Variants in EXOC2 observed in about 807,000 individuals in gnomAD.
EXOC2 encodes the protein SEC5-like 1.
Under a neutral mutation model 131.8 loss-of-function variants are expected in EXOC2, and 70 were observed. The ratio of observed to expected loss-of-function variants is 0.53; its 90% confidence interval spans 0.44 to 0.65. The LOEUF (loss-of-function observed/expected upper bound fraction) is 0.65. Among genes scored for constraint, EXOC2 ranks in the 30% least tolerant of loss-of-function variants. EXOC2 has a pLI of 0.00. For synonymous variants in EXOC2, 411 were observed against 398.4 expected, an observed-to-expected ratio of 1.03 and a Z score of -0.38; for missense variants, 923 against 1,108.6, an observed-to-expected ratio of 0.83 and a Z score of 2.38.
intron 23 of EXOC2, among the ~76,000 whole-genome samples, chr6:521,147 T>C (rs9378896): frequency 0.68 from 50,089 of 73,746 alleles, 15,777 homozygotes; most frequent in East Asian, 0.83. Flanking sequence ...CTACACTCAC[T>C]GTCCACACTC....
chr6:674,499 G>A (rs939817883), intron 1 of EXOC2, among the ~76,000 whole-genome samples: 5 of 152,192 alleles, frequency 3.3e-5, no homozygotes, highest in South Asian at 4.1e-4. Flanking sequence ...AAGCTATGTT[G>A]GAAACAAAGA....
rs1335045540 is a variant in EXOC2 at position 488,986 on chromosome 6, C to G, written c.2674G>C (p.Asp892His). 2 of 1,613,984 alleles carry G rather than the reference C, an allele frequency of 1.2e-6. No individual in the cohort carries two copies. The highest frequency in any genetic ancestry group is 2.2e-5 in the East Asian group (1 of 44,890). The change falls in exon 27 of 28, where the codon GAT becomes CAT. Residue 892 changes from aspartate to histidine, a missense_variant. Transcript: ENST00000230449. ...EALPQLSSGA[D>H]KKLLEELLNK... The stretch of plus-strand genomic sequence containing the variant: ...ACAGCACACAGGACTTACTTTTTAT[C>G]TGCTCCACTGGAAAGCTGGGGCAGG...
At chr6:530,791 TCAAC>T (rs975069645) in intron 23 of EXOC2, among the ~76,000 whole-genome samples, 3 of 152,232 alleles carry the variant, frequency 2.0e-5, no homozygotes, top group African/African-American at 7.2e-5. Context: ...ATCTGTGGAT[TCAAC>T]CAACCATGAA....
chr6:576,617 G>A (rs1581475263), intron 12 of EXOC2, 140 bp downstream of exon 12: 2 of 890,188 alleles, frequency 2.2e-6, no homozygotes, highest in Non-Finnish European at 3.3e-6. Context: ...GGTAGTTACT[G>A]TAACAAGCAA....
In EXOC2 at chr6:572,503, C is replaced by T. The variant is rs756043312; in HGVS notation, c.1443+17G>A. The T allele has an allele frequency of 1.3e-5, 21 of 1,600,464 alleles. No homozygotes were observed. The highest frequency in any genetic ancestry group is 6.7e-5 in the East Asian group (3 of 44,820). On this transcript the variant is annotated intron_variant, in intron 13 of 27. Transcript: ENST00000230449. ...ACGGTGACTCAGCTCCACCTCTAGC[C>T]GAGTCCGTATACACACCTCACTGAA...
At chr6:523,090 C>T (rs1243387537) in intron 23 of EXOC2, among the ~76,000 whole-genome samples, 1 of 152,190 alleles carries the variant, frequency 6.6e-6, no homozygotes, top group African/African-American at 2.4e-5. Context: ...AAAATCTGTT[C>T]TGACAGGTAA....
At chr6:488,940 A>G in intron 27 of EXOC2, 39 bp downstream of exon 27, 2 of 1,587,344 alleles carry the variant, frequency 1.3e-6, no homozygotes, top group Non-Finnish European at 1.7e-6. Flanking sequence ...CTTGTTGAGC[A>G]CATTCAACTG....
chr6:638,419 G>T (rs1053180964), intron 1 of EXOC2, among the ~76,000 whole-genome samples: 18 of 152,190 alleles, frequency 1.2e-4, no homozygotes, highest in African/African-American at 4.1e-4. Flanking sequence ...TTTGCTAGCT[G>T]TTGTGAGTAT....
At chr6:577,794 T>C (rs549139597) in intron 11 of EXOC2, among the ~76,000 whole-genome samples, 1 of 152,344 alleles carries the variant, frequency 6.6e-6, no homozygotes, top group East Asian at 1.9e-4. Context: ...TTATTTGCTA[T>C]CCTCTCTACT....
At chr6:692,775 C>G (rs1303919319) in intron 1 of EXOC2, among the ~76,000 whole-genome samples, 1 of 120,232 alleles carries the variant, frequency 8.3e-6, no homozygotes, top group Non-Finnish European at 1.9e-5. Flanking sequence ...AGGTGGGGAC[C>G]GCGGGGGTGC....
At chr6:675,995 A>G (rs1237514129) in intron 1 of EXOC2, among the ~76,000 whole-genome samples, 2 of 127,916 alleles carry the variant, frequency 1.6e-5, no homozygotes, top group African/African-American at 2.8e-5. Context: ...ATACTCTTCA[A>G]CATTACGGAA....
chr6:606,441 A>G (rs907272355), intron 7 of EXOC2, among the ~76,000 whole-genome samples: 6 of 150,480 alleles, frequency 4.0e-5, no homozygotes, highest in African/African-American at 1.4e-4. Flanking sequence ...TCTCCACATC[A>G]CAAGAAAAAA....
intron 21 of EXOC2, among the ~76,000 whole-genome samples, chr6:553,081 C>A (rs374054490): frequency 2.6e-5 from 4 of 152,154 alleles, no homozygotes; most frequent in African/African-American, 9.7e-5. Context: ...CCACACCAGA[C>A]TAATTTTTGT....
At chr6:528,798 T>C (rs1410025403) in intron 23 of EXOC2, among the ~76,000 whole-genome samples, 1 of 152,266 alleles carries the variant, frequency 6.6e-6, no homozygotes, top group Non-Finnish European at 1.5e-5. Context: ...ATTTAGGCTC[T>C]GATCCTAATT....
chr6:492,272 G>A (rs1187494374), intron 25 of EXOC2, among the ~76,000 whole-genome samples: 2 of 152,184 alleles, frequency 1.3e-5, no homozygotes, highest in African/African-American at 4.8e-5. Context: ...ACAAATAATG[G>A]TGAGGATGTA....
At chr6:618,402 A>G (rs1226115867) in intron 5 of EXOC2, among the ~76,000 whole-genome samples, 1 of 152,218 alleles carries the variant, frequency 6.6e-6, no homozygotes, top group Non-Finnish European at 1.5e-5. Context: ...AGCAGAGAAA[A>G]CTAAAGACAG....
chr6:514,009 G>A (rs1420900451), intron 23 of EXOC2, among the ~76,000 whole-genome samples: 1 of 152,178 alleles, frequency 6.6e-6, no homozygotes, highest in African/African-American at 2.4e-5. Flanking sequence ...GCTGAAAAAT[G>A]ATATACTTTT....
At chr6:664,659 G>T (rs1166517223) in intron 1 of EXOC2, among the ~76,000 whole-genome samples, 1 of 152,088 alleles carries the variant, frequency 6.6e-6, no homozygotes, top group East Asian at 1.9e-4. Context: ...ACTGATCCTT[G>T]ACAAAGCAAA....
intron 1 of EXOC2, among the ~76,000 whole-genome samples, chr6:688,879 C>T (rs1298117300): frequency 6.6e-6 from 1 of 152,174 alleles, no homozygotes; most frequent in Non-Finnish European, 1.5e-5. Flanking sequence ...CCTTTTGTCT[C>T]GTTTTGTCTT....
Sources: gnomAD v4.1 joint callset for allele counts (sites outside exome capture counted in the v4.1 genomes callset) on GRCh38, gnomAD v4.1.1 for gene constraint, MANE v1.5 for transcripts, NCBI Gene and HGNC (gene_info 2026-07-23, HGNC 2026-07-21) for gene names.